Variants in PIBF1 observed in about 807,000 individuals in gnomAD.
The protein encoded by PIBF1 is progesterone-induced-blocking factor 1.
A neutral mutation model predicts 112.5 loss-of-function variants in PIBF1; 90 were observed. The ratio of observed to expected loss-of-function variants is 0.80; its 90% CI spans 0.67 to 0.95. The LOEUF is 0.95. Among genes scored for constraint, PIBF1 ranks in the 40% least tolerant of loss-of-function variants. PIBF1 has a pLI of 0.00. For synonymous variants in PIBF1, 301 were observed against 288.6 expected (o/e 1.04, Z -0.44); for missense variants, 915 against 852.3 (o/e 1.07, Z -0.92).
At position 72,908,538 on chromosome 13, in the gene PIBF1, C is replaced by A. The variant is rs745507877; in HGVS notation, c.1496C>A (p.Thr499Asn). 3 of 1,598,912 alleles carry A rather than the reference C, an allele frequency of 1.9e-6. No homozygotes were observed. In the Admixed American group the frequency reaches 5.2e-5, roughly 28 times the overall value. The change falls in exon 12 of 18, where the codon ACC (threonine) becomes AAC (asparagine). Residue 499 changes from threonine (T) to asparagine (N), a missense_variant. Thr to Asn is a moderately conservative substitution (Grantham distance 65). Coordinates refer to ENST00000326291, the MANE Select transcript of PIBF1 (RefSeq NM_006346.4). Reference sequence around the variant, plus strand: ...CTTCTCTTTCACTATTAGGTTTTAACCAAAGAATTTTATAGTCTCCAAGCC... The same window carrying A: ...CTTCTCTTTCACTATTAGGTTTTAAACAAAGAATTTTATAGTCTCCAAGCC... ...EKYQKKLEVL[T>N]KEFYSLQASS...
intron 17 of PIBF1, among the ~76,000 whole-genome samples, chr13:73,008,256 C>T (rs2044098870): frequency 6.6e-6 from 1 of 152,152 alleles, no homozygotes; most frequent in Admixed American, 6.5e-5. Context: ...GCAAAATATG[C>T]TGTTTCCATG....
At chr13:72,921,346 C>G (rs1441623006) in intron 13 of PIBF1, among the ~76,000 whole-genome samples, 1 of 152,110 alleles carries the variant, frequency 6.6e-6, no homozygotes, top group African/African-American at 2.4e-5. Flanking sequence ...CTCCTAAGCT[C>G]AGGCAATCTG....
chr13:72,995,529 G>A (rs936782929), intron 16 of PIBF1, among the ~76,000 whole-genome samples: 5 of 151,782 alleles, frequency 3.3e-5, no homozygotes, highest in Non-Finnish European at 7.4e-5. Context: ...GCATCAGTGG[G>A]GGAAAAAATG....
chr13:72,990,213 CAAAAAAAAAAAA>C (rs34873893), intron 16 of PIBF1, among the ~76,000 whole-genome samples: 1 of 52,712 alleles, frequency 1.9e-5, no homozygotes, highest in African/African-American at 7.8e-5. Flanking sequence ...GACTCTGTCT[CAAAAAAAAAAAA>C]AAAAAAAAAA....
At position 72,938,048 on chromosome 13, in the gene PIBF1, C is replaced by G. The variant is rs1357384321; in HGVS notation, c.1833+6781C>G. Among the ~76,000 whole-genome samples, 4 of 152,008 alleles carry G rather than the reference C, an allele frequency of 2.6e-5. No homozygotes were observed. In the East Asian group the frequency reaches 7.7e-4, roughly 29 times the overall value. On this transcript the variant is annotated intron_variant, in intron 14 of 17. Transcript: ENST00000326291. ...TGTTTCTGTATATAGCAAAAAGTTG[C>G]TATTTTGCCTATTTTTAGTTTTTTT... is the stretch of plus-strand genomic sequence containing the variant.
chr13:72,902,622 T>C (rs1055505840), intron 11 of PIBF1, among the ~76,000 whole-genome samples: 2 of 152,222 alleles, frequency 1.3e-5, no homozygotes, highest in Non-Finnish European at 2.9e-5. Context: ...TATAAAGGTT[T>C]ATATAAATGA....
At chr13:73,007,071 CT>C (rs1213545134) in intron 17 of PIBF1, among the ~76,000 whole-genome samples, 1 of 151,232 alleles carries the variant, frequency 6.6e-6, no homozygotes, top group Non-Finnish European at 1.5e-5. Context: ...CTGTAAAGCA[CT>C]TCATATTATG....
At chr13:72,841,337 G>T (rs975651593) in intron 9 of PIBF1, among the ~76,000 whole-genome samples, 1 of 152,166 alleles carries the variant, frequency 6.6e-6, no homozygotes, top group African/African-American at 2.4e-5. Context: ...TATGCATTTG[G>T]AAATAAGACA....
At chr13:72,906,892 T>C (rs947560277) in intron 11 of PIBF1, among the ~76,000 whole-genome samples, 2 of 151,970 alleles carry the variant, frequency 1.3e-5, no homozygotes, top group African/African-American at 4.8e-5. Context: ...TGATTCTCTC[T>C]TTTGACAGTG....
chr13:72,965,232 T>C (rs1192305807), intron 14 of PIBF1, 42 bp from the exon 15 acceptor site: 2 of 1,567,958 alleles, frequency 1.3e-6, no homozygotes, highest in Non-Finnish European at 1.7e-6. Context: ...TTTATTTTGT[T>C]GTCACATTTT....
At chr13:72,839,006 A>C (rs1418879903) in intron 9 of PIBF1, among the ~76,000 whole-genome samples, 1 of 152,166 alleles carries the variant, frequency 6.6e-6, no homozygotes, top group Non-Finnish European at 1.5e-5. Flanking sequence ...GGGCCCAAAG[A>C]ATGCATTTGG....
At chr13:72,910,673 A>G (rs936874609) in intron 12 of PIBF1, among the ~76,000 whole-genome samples, 1 of 152,220 alleles carries the variant, frequency 6.6e-6, no homozygotes, top group Admixed American at 6.5e-5. Context: ...GAAGATATAT[A>G]TAAAAATCAG....
Position 72,827,732 on chromosome 13 carries a change from G to A in PIBF1, c.916-1G>A. ...TACTTTTTGTTTCTACATGTATGTA[G>A]GTAGTCACCTTAGAGCAAACTGTTA... On this transcript the variant is annotated splice_acceptor_variant, in intron 7 of 17. Coordinates refer to ENST00000326291, the MANE Select transcript of PIBF1 (RefSeq NM_006346.4). LOFTEE classifies it high-confidence loss of function. The A allele has an allele frequency of 1.3e-6, 2 of 1,529,028 alleles. No homozygotes were observed. The highest frequency in any genetic ancestry group is 1.8e-6 in the Non-Finnish European group (2 of 1,133,368). The allele number at this position is 1,529,028 out of a possible 1,614,324, so 94.7% of individuals were successfully genotyped here.
chr13:72,848,596 A>T (rs944302279), intron 9 of PIBF1, among the ~76,000 whole-genome samples: 2 of 152,228 alleles, frequency 1.3e-5, no homozygotes, highest in Non-Finnish European at 2.9e-5. Flanking sequence ...CTGTAGTCCC[A>T]GCACTTTGGG....
chr13:72,927,417 T>G lies in PIBF1; in HGVS notation c.1731-3748T>G, dbSNP rs371621757. ...TACTGAGGAGGCTGAGACAGGAGAA[T>G]GGCGCGAACCCGGGAGGCGGAACTT... On this transcript the variant is annotated intron_variant, in intron 13 of 17. Transcript: ENST00000326291. Among the ~76,000 whole-genome samples the G allele has an allele frequency of 4.6e-5, 7 of 152,028 alleles. No individual in the cohort carries two copies. In the East Asian group the frequency reaches 7.8e-4, roughly 17 times the overall value.
intron 13 of PIBF1, among the ~76,000 whole-genome samples, chr13:72,925,003 A>G (rs1386599729): frequency 6.6e-6 from 1 of 152,220 alleles, no homozygotes; most frequent in Non-Finnish European, 1.5e-5. Flanking sequence ...AAGAAAAGGC[A>G]GTGGAAGGAA....
rs534447404 is a variant in PIBF1, at chr13:72,835,300, A to T, written c.1155A>T (p.Arg385Ser). ...NKLHDELEQIRLKTNQEIDQL... is the reference protein window; with the variant it reads ...NKLHDELEQISLKTNQEIDQL... Reference sequence around the variant, plus strand: ...TACATGATGAACTAGAACAAATCAGATTGAAAACCAACCAAGAAATTGATC... The same window carrying T: ...TACATGATGAACTAGAACAAATCAGTTTGAAAACCAACCAAGAAATTGATC... The change falls in exon 9 of 18, where the codon AGA (arginine) becomes AGT (serine). Residue 385 changes from arginine (R) to serine (S), a missense_variant. Transcript: ENST00000326291. The T allele has an allele frequency of 6.3e-7, 1 of 1,599,654 alleles. No individual in the cohort carries two copies. The highest frequency in any genetic ancestry group is 1.1e-5 in the South Asian group (1 of 88,324).
At chr13:72,827,664 T>C (rs2036882641) in intron 7 of PIBF1, 69 bp from the exon 8 acceptor site, 1 of 941,812 alleles carries the variant, frequency 1.1e-6, no homozygotes, top group African/African-American at 1.7e-5. Flanking sequence ...AGGAAAGAAA[T>C]TAATACAGTC....
At chr13:72,892,279 A>G (rs934909337) in intron 10 of PIBF1, among the ~76,000 whole-genome samples, 2 of 152,140 alleles carry the variant, frequency 1.3e-5, no homozygotes, top group African/African-American at 4.8e-5. Flanking sequence ...AGGATTTTCC[A>G]AAAAAGTTAG....
Sources: gnomAD v4.1 joint callset for allele counts (sites outside exome capture counted in the v4.1 genomes callset) on GRCh38, gnomAD v4.1.1 for gene constraint, MANE v1.5 for transcripts, NCBI Gene and HGNC (gene_info 2026-07-23, HGNC 2026-07-21) for gene names.